CAMTA1: variants seen among roughly 807,000 people sequenced by gnomAD.
CAMTA1 encodes the protein calmodulin-binding transcription activator 1.
In CAMTA1, 27 loss-of-function variants were observed where a neutral mutation model predicts 170.9. The observed-to-expected ratio is 0.16, with a 90% confidence interval of 0.12 to 0.22. The LOEUF is 0.22. CAMTA1 is among the 10% of genes least tolerant of loss of function. The pLI, the probability that CAMTA1 is intolerant of heterozygous loss-of-function variation, is 1.00. For synonymous variants in CAMTA1, 833 were observed against 891.5 expected, an observed-to-expected ratio of 0.93 and a Z score of 1.17; for missense variants, 1,619 against 2,217.2, an observed-to-expected ratio of 0.73 and a Z score of 5.42.
intron 5 of CAMTA1, among the ~76,000 whole-genome samples, chr1:7,379,310 G>A (rs986110899): frequency 2.6e-5 from 4 of 152,226 alleles, no homozygotes; most frequent in African/African-American, 9.6e-5. Context: ...GAGACTTGCT[G>A]TTGGCAGTGA....
intron 5 of CAMTA1, among the ~76,000 whole-genome samples, chr1:7,406,990 C>T (rs916125831): frequency 5.3e-5 from 8 of 152,228 alleles, no homozygotes; most frequent in Admixed American, 2.6e-4. Context: ...CACCTGTCTC[C>T]TGGGCTTTGG....
In CAMTA1 at chr1:7,641,368, G is replaced by C. The variant is rs1323317591; in HGVS notation, c.664+815G>C. On this transcript the variant is annotated intron_variant, in intron 7 of 22. Coordinates refer to ENST00000303635, the MANE Select transcript of CAMTA1 (RefSeq NM_015215.4). This position sits in a 1 kb window ranked among gnomAD's most constrained non-coding sequence, Gnocchi z 4.5. The stretch of plus-strand genomic sequence containing the variant: ...AGGACCTGCCATCAGCAGGGCCTGA[G>C]GGGGTGGGTCAGTGGCTCACTCAGA... Among the ~76,000 whole-genome samples the C allele has an allele frequency of 6.6e-6, 1 of 152,230 alleles. No individual in the cohort carries two copies. The highest frequency in any genetic ancestry group is 1.5e-5 in the Non-Finnish European group (1 of 68,032).
At chr1:7,038,056 G>C (rs887239332) in intron 3 of CAMTA1, among the ~76,000 whole-genome samples, 1 of 151,976 alleles carries the variant, frequency 6.6e-6, no homozygotes, top group Non-Finnish European at 1.5e-5. Flanking sequence ...TATAAAATGA[G>C]GCTACGTTAG....
At chr1:7,210,845 A>C (rs1261854011) in intron 4 of CAMTA1, among the ~76,000 whole-genome samples, 1 of 152,196 alleles carries the variant, frequency 6.6e-6, no homozygotes, top group African/African-American at 2.4e-5. Context: ...AGTTACATTC[A>C]TTAGGTTATA....
At chr1:7,564,709 C>T (rs1159677638) in intron 6 of CAMTA1, among the ~76,000 whole-genome samples, 1 of 151,992 alleles carries the variant, frequency 6.6e-6, no homozygotes, top group African/African-American at 2.4e-5. Context: ...CTCTGCCCTC[C>T]CAGTGTCCAG....
At chr1:6,940,684 AC>A (rs1557861039) in intron 3 of CAMTA1, among the ~76,000 whole-genome samples, 1 of 151,996 alleles carries the variant, frequency 6.6e-6, no homozygotes, top group African/African-American at 2.4e-5. Flanking sequence ...GAGGAGTGAC[AC>A]TTAAGGACTC....
Position 7,044,565 on chromosome 1 carries a change from TGATGGG to T in CAMTA1, c.235-46737_235-46732del, listed in dbSNP as rs1705050067. Among the ~76,000 whole-genome samples, 2 of 152,000 alleles carry T rather than the reference TGATGGG, an allele frequency of 1.3e-5. No homozygotes were observed. The highest frequency in any genetic ancestry group is 2.9e-5 in the Non-Finnish European group (2 of 67,972). On this transcript the variant is annotated intron_variant, in intron 3 of 22. Transcript: ENST00000303635. The surrounding 1 kb of genome is among the most constrained non-coding windows in gnomAD (Gnocchi z 5.0). Reference sequence around the variant, plus strand: ...GGCACATGCGTGATTAGCAGATGGGTGATGGGGCCTCTAGCGGGCAGATTCTGTGGT... The same window carrying T: ...GGCACATGCGTGATTAGCAGATGGGTGCCTCTAGCGGGCAGATTCTGTGGT...
intron 1 of CAMTA1, among the ~76,000 whole-genome samples, chr1:6,814,040 A>C (rs996746112): frequency 1.3e-5 from 2 of 152,214 alleles, no homozygotes; most frequent in African/African-American, 4.8e-5. Context: ...CATTGTATTA[A>C]GTATTACCAG....
chr1:6,807,136 G>A, intron 1 of CAMTA1: 2 of 504,860 alleles, frequency 4.0e-6, no homozygotes. Flanking sequence ...GCAAGGTTGG[G>A]GGAGGCTTCT....
chr1:6,849,672 GT>G (rs1241047991), intron 3 of CAMTA1, among the ~76,000 whole-genome samples: 1 of 151,772 alleles, frequency 6.6e-6, no homozygotes, highest in African/African-American at 2.4e-5. Context: ...TAAAGGTACA[GT>G]TTTGAGGAGG....
At chr1:7,630,073 G>A (rs1200013126) in intron 6 of CAMTA1, among the ~76,000 whole-genome samples, 1 of 152,158 alleles carries the variant, frequency 6.6e-6, no homozygotes, top group Non-Finnish European at 1.5e-5. Flanking sequence ...CTTCCCCCGG[G>A]TCATTTATAA....
intron 6 of CAMTA1, among the ~76,000 whole-genome samples, chr1:7,612,426 C>G (rs559715639): frequency 6.6e-6 from 1 of 152,356 alleles, no homozygotes; most frequent in South Asian, 2.1e-4. Flanking sequence ...TTCTGCCCCT[C>G]TGCTCATCTG....
chr1:6,839,409 C>G (rs1016048793), intron 3 of CAMTA1, among the ~76,000 whole-genome samples: 1 of 151,866 alleles, frequency 6.6e-6, no homozygotes, highest in African/African-American at 2.4e-5. Context: ...AACAAAAAAC[C>G]CCCCCAAAAT....
intron 3 of CAMTA1, among the ~76,000 whole-genome samples, chr1:7,026,145 A>C (rs557630792): frequency 6.6e-6 from 1 of 151,784 alleles, no homozygotes; most frequent in Admixed American, 6.6e-5. Flanking sequence ...AAACAAAAAG[A>C]TTTGGCCAAG....
chr1:7,388,884 G>C (rs1489728325), intron 5 of CAMTA1, among the ~76,000 whole-genome samples: 1 of 152,226 alleles, frequency 6.6e-6, no homozygotes, highest in Non-Finnish European at 1.5e-5. Flanking sequence ...CAGAGCCAGG[G>C]TGTGCCCAGT....
At chr1:7,669,209 G>T (rs572941120) in intron 9 of CAMTA1, among the ~76,000 whole-genome samples, 12 of 152,362 alleles carry the variant, frequency 7.9e-5, no homozygotes, top group African/African-American at 2.9e-4. Context: ...GCAGTAAAGT[G>T]ACCTCCCAGG....
In CAMTA1 at chr1:7,534,186, A is replaced by G. The variant is rs1027581480; in HGVS notation, c.510+66285A>G. On this transcript the variant is annotated intron_variant, in intron 6 of 22. Coordinates refer to ENST00000303635, the MANE Select transcript of CAMTA1 (RefSeq NM_015215.4). This position sits in a 1 kb window ranked among gnomAD's most constrained non-coding sequence, Gnocchi z 5.6. ...CATACATCTTGGTGTGTGACAAATC[A>G]CTTTTTAATTGCCTGAAGGAAGAAA... Among the ~76,000 whole-genome samples the G allele has an allele frequency of 6.6e-6, 1 of 152,164 alleles. No individual in the cohort carries two copies. The highest frequency in any genetic ancestry group is 2.4e-5 in the African/African-American group (1 of 41,438).
chr1:6,968,202 G>A (rs1691900673), intron 3 of CAMTA1, among the ~76,000 whole-genome samples: 1 of 152,242 alleles, frequency 6.6e-6, no homozygotes, highest in African/African-American at 2.4e-5. Context: ...CCGAGAAAAC[G>A]GCTCTTAATG....
chr1:7,024,284 G>T (rs1443800869), intron 3 of CAMTA1, among the ~76,000 whole-genome samples: 2 of 152,096 alleles, frequency 1.3e-5, no homozygotes, highest in Non-Finnish European at 1.5e-5. Context: ...TGGAATTGCA[G>T]GTGGAATAAA....
Sources: gnomAD v4.1 joint callset for allele counts (sites outside exome capture counted in the v4.1 genomes callset) on GRCh38, gnomAD v4.1.1 for gene constraint, Gnocchi (gnomAD v3.1) non-coding constraint, MANE v1.5 for transcripts, NCBI Gene and HGNC (gene_info 2026-07-23, HGNC 2026-07-21) for gene names.